NRG2: variants seen among roughly 807,000 people sequenced by gnomAD.
The protein encoded by NRG2 is pro-neuregulin-2, membrane-bound isoform.
A neutral mutation model predicts 73.9 loss-of-function variants in NRG2; 27 were observed. The observed-to-expected ratio is 0.37, with a 90% CI of 0.27 to 0.50. The LOEUF (loss-of-function observed/expected upper bound fraction) is 0.50, where lower values mean the gene tolerates loss of function less well. Among genes scored for constraint, NRG2 ranks in the 20% least tolerant of loss-of-function variants. The probability of loss-of-function intolerance (pLI) is 0.96; values close to 1 mark genes in which losing one functional copy is unlikely to be tolerated. For missense variants in NRG2, 1,126 were observed against 1,210.1 expected (o/e 0.93, Z 1.03); for synonymous variants, 532 against 541.0 (o/e 0.98, Z 0.23).
chr5:139,917,646 A>T (rs1385573293), intron 1 of NRG2, among the ~76,000 whole-genome samples: 1 of 152,156 alleles, frequency 6.6e-6, no homozygotes, highest in Non-Finnish European at 1.5e-5. Context: ...CTTTGGGGAA[A>T]TGTTTATTCA....
chr5:140,042,964 T>A lies in NRG2; in HGVS notation c.106A>T (p.Ser36Cys). The A allele has an allele frequency of 7.1e-6, 11 of 1,540,484 alleles. No homozygotes were observed. Among genetic ancestry groups the A allele is most frequent in the Non-Finnish European group, 9.6e-6 (11 of 1,142,560 alleles). ...CCGCTCTCGCTGCTGCTGCTGCTGC[T>A]GCTGCTGCTCCTCTCGCTGCTGCTG... ...SSSSSERSSSSSSSSSESGSS... is the reference protein window; with the variant it reads ...SSSSSERSSSCSSSSSESGSS... The change falls in exon 1 of 10, where the codon AGC (serine) becomes TGC (cysteine). Residue 36 changes from serine (S) to cysteine (C), a missense_variant. Ser to Cys is a moderately radical substitution (Grantham distance 112). Around this residue, in one of 3 missense-constraint regions of NRG2, gnomAD observed 185 missense variants for 149.0 expected, o/e 1.24. Coordinates refer to ENST00000361474, the MANE Select transcript of NRG2 (RefSeq NM_004883.3).
At position 139,881,083 on chromosome 5, in the gene NRG2, A is replaced by C. The variant is rs1763502035; in HGVS notation, c.873-109T>G. ...CTCCACAGAGCCACAGTGGCCCTGC[A>C]GCTTAGATGGGAAGGAGATTCCCTC... On this transcript the variant is annotated intron_variant, in intron 2 of 9. Coordinates refer to ENST00000361474, the MANE Select transcript of NRG2 (RefSeq NM_004883.3). The C allele has an allele frequency of 1.1e-5, 9 of 813,840 alleles. No homozygotes were observed. In the East Asian group the frequency reaches 2.3e-4, roughly 20 times the overall value. The allele number at this position is 813,840 out of a possible 1,614,324, so 50.4% of individuals were successfully genotyped here. A position where few individuals can be genotyped will look rare whatever the true frequency, so the allele number is the denominator to read the frequency against.
At chr5:140,013,552 T>TA (rs1344647074) in intron 1 of NRG2, among the ~76,000 whole-genome samples, 1 of 152,152 alleles carries the variant, frequency 6.6e-6, no homozygotes, top group Non-Finnish European at 1.5e-5. Flanking sequence ...TTTACCACAG[T>TA]AAAAAATAAT....
chr5:139,860,045 G>T, intron 5 of NRG2: 2 of 854,072 alleles, frequency 2.3e-6, no homozygotes, highest in Non-Finnish European at 3.8e-6. Context: ...CATCCTGCGA[G>T]GTGAAAGCAG....
intron 4 of NRG2, chr5:139,871,250 G>A (rs1473399327): frequency 6.1e-6 from 1 of 164,224 alleles, no homozygotes; most frequent in East Asian, 1.7e-4. Flanking sequence ...TCTGGAACCT[G>A]TGCTCTGCCT....
intron 2 of NRG2, among the ~76,000 whole-genome samples, chr5:139,886,532 A>G (rs1326223707): frequency 2.0e-5 from 3 of 152,246 alleles, no homozygotes; most frequent in Non-Finnish European, 1.5e-5. Context: ...CTCCTCAGTC[A>G]GAGAGGGAAG....
intron 1 of NRG2, among the ~76,000 whole-genome samples, chr5:139,913,558 TGGCCTGAG>T (rs1751016262): frequency 6.6e-6 from 1 of 152,240 alleles, no homozygotes; most frequent in African/African-American, 2.4e-5. Context: ...CATAGCTGAA[TGGCCTGAG>T]GGGTCCCTAT....
chr5:139,919,392 G>C (rs796586202), intron 1 of NRG2, among the ~76,000 whole-genome samples: 1 of 152,252 alleles, frequency 6.6e-6, no homozygotes, highest in African/African-American at 2.4e-5. Context: ...GGCAAGATGA[G>C]AGAAGTGATG....
chr5:139,924,157 A>G (rs1751877168), intron 1 of NRG2, among the ~76,000 whole-genome samples: 2 of 152,196 alleles, frequency 1.3e-5, no homozygotes, highest in Non-Finnish European at 2.9e-5. Flanking sequence ...AAGCTAGGCA[A>G]TGGAGGAATC....
chr5:139,934,452 A>C (rs935799056), intron 1 of NRG2, among the ~76,000 whole-genome samples: 1 of 152,196 alleles, frequency 6.6e-6, no homozygotes, highest in African/African-American at 2.4e-5. Context: ...TAAGTTGAAC[A>C]TGTATGCCAT....
intron 1 of NRG2, among the ~76,000 whole-genome samples, chr5:140,007,012 CTG>C (rs768856235): frequency 1.3e-5 from 2 of 152,128 alleles, no homozygotes; most frequent in Non-Finnish European, 2.9e-5. Flanking sequence ...TGGTCCTTAA[CTG>C]GGGTGATTTT....
Position 139,880,984 on chromosome 5 carries a change from G to A in NRG2, c.873-10C>T, listed in dbSNP as rs1288412538. 8.1e-6 allele frequency: 13 copies of A among 1,611,992 alleles called. No individual in the cohort carries two copies. The highest frequency in any genetic ancestry group is 1.1e-5 in the Non-Finnish European group (13 of 1,178,174). ...TAGTCGTGAGTTCTTTCTGGTTAGG[G>A]AGGGGATAAAAGGGGGAGAGGCGTG... On this transcript the variant is annotated splice_polypyrimidine_tract_variant and intron_variant, in intron 2 of 9. Transcript: ENST00000361474.
At chr5:139,962,892 T>C (rs1490150412) in intron 1 of NRG2, among the ~76,000 whole-genome samples, 1 of 152,206 alleles carries the variant, frequency 6.6e-6, no homozygotes, top group Non-Finnish European at 1.5e-5. Context: ...CCTCTGACTA[T>C]GCCTAACCAT....
At chr5:139,889,459 A>G (rs542134349) in intron 1 of NRG2, among the ~76,000 whole-genome samples, 2 of 152,316 alleles carry the variant, frequency 1.3e-5, no homozygotes, top group South Asian at 4.1e-4. Flanking sequence ...CTAGGAGATA[A>G]TCAATCTTAT....
intron 1 of NRG2, among the ~76,000 whole-genome samples, chr5:139,893,952 G>A (rs977297714): frequency 2.0e-5 from 3 of 152,156 alleles, no homozygotes; most frequent in Non-Finnish European, 4.4e-5. Flanking sequence ...AGGGCTTCTG[G>A]CCTGTATCTG....
intron 2 of NRG2, among the ~76,000 whole-genome samples, chr5:139,885,831 G>C (rs1763827638): frequency 1.3e-5 from 2 of 151,942 alleles, no homozygotes; most frequent in African/African-American, 4.8e-5. Context: ...GGAGGGAAAG[G>C]GGGGCTCTCC....
chr5:139,998,361 C>G (rs1361050816), intron 1 of NRG2, among the ~76,000 whole-genome samples: 1 of 152,164 alleles, frequency 6.6e-6, no homozygotes, highest in African/African-American at 2.4e-5. Flanking sequence ...ATTTGTATAT[C>G]CAGACCAACC....
At chr5:139,967,028 G>A (rs1171461165) in intron 1 of NRG2, among the ~76,000 whole-genome samples, 3 of 152,126 alleles carry the variant, frequency 2.0e-5, no homozygotes, top group Admixed American at 1.3e-4. Context: ...CCCTTGCTCC[G>A]AGATATAACA....
chr5:139,903,019 C>A (rs1315338622), intron 1 of NRG2, among the ~76,000 whole-genome samples: 4 of 152,228 alleles, frequency 2.6e-5, no homozygotes, highest in Non-Finnish European at 4.4e-5. Context: ...GTGTTTGACG[C>A]CTAGGCTCTT....
Sources: allele counts gnomAD v4.1 joint callset (sites outside exome capture counted in the v4.1 genomes callset), GRCh38; gene constraint gnomAD v4.1.1; regional missense constraint gnomAD v4.1.1; transcripts MANE v1.5; gene names NCBI Gene and HGNC (gene_info 2026-07-23, HGNC 2026-07-21).